Variants in WHRN observed in about 807,000 individuals in gnomAD.
WHRN encodes CASK-interacting protein CIP98.
Under a neutral mutation model 68.3 loss-of-function variants are expected in WHRN, and 41 were observed. The observed-to-expected ratio is 0.60, with a 90% CI of 0.47 to 0.78. The LOEUF (loss-of-function observed/expected upper bound fraction) is 0.78. Ranked by LOEUF, WHRN falls within the 30% of genes least tolerant of loss-of-function variation. The pLI is 0.00. For missense variants in WHRN, 1,243 were observed against 1,244.7 expected (o/e 1.00, Z 0.02); for synonymous variants, 560 against 561.3 (o/e 1.00, Z 0.03).
In WHRN at chr9:114,504,514, C is replaced by G; in HGVS notation, c.288G>C (p.Leu96=). 6 of 1,609,812 alleles carry G rather than the reference C, an allele frequency of 3.7e-6. No individual in the cohort carries two copies. Among genetic ancestry groups the G allele is most frequent in the Non-Finnish European group, 5.1e-6 (6 of 1,179,804 alleles). ...VKRRLLPMLR[L]VIPRSDQLLF... Reference sequence around the variant, plus strand: ...GCAGCTGGTCGGAGCGCGGGATGACCAGACGAAGCATGGGCAGCAGGCGCC... The same window carrying G: ...GCAGCTGGTCGGAGCGCGGGATGACGAGACGAAGCATGGGCAGCAGGCGCC... Residue 96 remains leucine, a synonymous_variant, in exon 1 of 12, where the codon CTG becomes CTC. Coordinates refer to ENST00000362057, the MANE Select transcript of WHRN (RefSeq NM_015404.4).
chr9:114,403,905 G>A lies in WHRN; in HGVS notation c.2409C>T (p.Ala803=), dbSNP rs1424148405. The change falls in exon 10 of 12, where the codon GCC becomes GCT. Residue 803 remains alanine, a synonymous_variant. Transcript: ENST00000362057. ...CCTCCTCCTGGCTCACCGGTTTGTT[G>A]GCCCCATCTGTGGGCCTCTCGTTCC... The part of the protein sequence containing the change: ...LPRNERPTDG[A]NKPPGLLEPT... The A allele has an allele frequency of 1.9e-6, 3 of 1,610,636 alleles. No individual in the cohort carries two copies. In the South Asian group the frequency reaches 3.3e-5, roughly 18 times the overall value.
intron 1 of WHRN, among the ~76,000 whole-genome samples, chr9:114,497,819 C>CAA (rs1448920731): frequency 6.6e-6 from 1 of 152,126 alleles, no homozygotes; most frequent in Non-Finnish European, 1.5e-5. Flanking sequence ...ACTCAAATAG[C>CAA]AGAGGGTTCC....
rs1842123637 is a variant in WHRN, at chr9:114,481,960, C to T, written c.619-3189G>A. 2.0e-5 allele frequency among the ~76,000 whole-genome samples: 3 copies of T among 151,972 alleles called. No individual in the cohort carries two copies. The South Asian group carries it at 6.2e-4, about 32-fold the overall frequency. On this transcript the variant is annotated intron_variant, in intron 1 of 11. Coordinates refer to ENST00000362057, the MANE Select transcript of WHRN (RefSeq NM_015404.4). The stretch of plus-strand genomic sequence containing the variant: ...CATTGCCTGGTACACAATAGGTTTT[C>T]ATGACACACGCCTGGTGAGAGACAA...
At chr9:114,483,406 C>A (rs908633018) in intron 1 of WHRN, among the ~76,000 whole-genome samples, 1 of 152,178 alleles carries the variant, frequency 6.6e-6, no homozygotes, top group Admixed American at 6.5e-5. Flanking sequence ...TTTCTACAAA[C>A]CATTGCTTGC....
At chr9:114,409,334 C>G (rs1835264241) in intron 7 of WHRN, among the ~76,000 whole-genome samples, 1 of 152,170 alleles carries the variant, frequency 6.6e-6, no homozygotes, top group Admixed American at 6.5e-5. Context: ...GAGAGAGCAT[C>G]CAATGGGCAA....
intron 3 of WHRN, among the ~76,000 whole-genome samples, chr9:114,460,395 G>A (rs4979402): frequency 0.75 from 113,436 of 152,208 alleles, 42,470 homozygotes; most frequent in East Asian, 0.97. Context: ...TGTATCTAAT[G>A]TGTTGAGTAC....
chr9:114,498,609 C>G (rs930113783), intron 1 of WHRN, among the ~76,000 whole-genome samples: 1 of 152,088 alleles, frequency 6.6e-6, no homozygotes, highest in East Asian at 1.9e-4. Context: ...GGTCTCAGAC[C>G]GCCCCCCAAC....
rs12685426 is a variant in WHRN at position 114,419,436 on chromosome 9, G to A, written c.1626+3878C>T. On this transcript the variant is annotated intron_variant, in intron 7 of 11. Coordinates refer to ENST00000362057, the MANE Select transcript of WHRN (RefSeq NM_015404.4). ...GATAGGGACTCAATGGTAACCGCAC[G>A]TGCGATCGCTGCCCTCAAGCAGTCA... Among the ~76,000 whole-genome samples the A allele has an allele frequency of 9.5e-4, 145 of 152,334 alleles. 1 individual carries two copies. The East Asian group carries it at 0.024, about 26-fold the overall frequency.
At chr9:114,412,252 G>A (rs938347846) in intron 7 of WHRN, among the ~76,000 whole-genome samples, 3 of 152,208 alleles carry the variant, frequency 2.0e-5, no homozygotes, top group African/African-American at 4.8e-5. Context: ...CTAAGAACCC[G>A]GGGGATGCAT....
In WHRN at chr9:114,423,503, C is replaced by T; in HGVS notation, c.1437G>A (p.Val479=). The change falls in exon 7 of 12, where the codon GTG becomes GTA. Residue 479 remains valine (V), a synonymous_variant. Coordinates refer to ENST00000362057, the MANE Select transcript of WHRN (RefSeq NM_015404.4). ...GGTCTTGCGGGGAAATGGTGCCTCT[C>T]ACCTCAGAGAGGAGTGAGAACTGGA... The part of the protein sequence containing the change: ...THAKFSLLSE[V]RGTISPQDLE... The T allele has an allele frequency of 6.2e-7, 1 of 1,611,738 alleles. No homozygotes were observed. The highest frequency in any genetic ancestry group is 8.5e-7 in the Non-Finnish European group (1 of 1,178,104).
At chr9:114,459,389 G>C (rs1360674655) in intron 3 of WHRN, among the ~76,000 whole-genome samples, 1 of 152,170 alleles carries the variant, frequency 6.6e-6, no homozygotes, top group Non-Finnish European at 1.5e-5. Flanking sequence ...GCTTGAACCT[G>C]GGGGTGGAGA....
rs571239125 is a variant in WHRN at position 114,479,327 on chromosome 9, G to A, written c.619-556C>T. On this transcript the variant is annotated intron_variant, in intron 1 of 11. Coordinates refer to ENST00000362057, the MANE Select transcript of WHRN (RefSeq NM_015404.4). ...ACACCTTTGTCACCATTTGATGCTG[G>A]AGGAATTAGTGTGTTCTGTGGAACT... 2.6e-5 allele frequency among the ~76,000 whole-genome samples: 4 copies of A among 152,302 alleles called. No individual in the cohort carries two copies. The East Asian group carries it at 7.7e-4, about 29-fold the overall frequency.
chr9:114,403,049 C>T, intron 11 of WHRN, 113 bp from the exon 12 acceptor site: 2 of 1,519,506 alleles, frequency 1.3e-6, no homozygotes, highest in Non-Finnish European at 1.8e-6. Context: ...ATCTGAGTGT[C>T]CACTTCTCGG....
chr9:114,460,511 T>C (rs956723979), intron 3 of WHRN, among the ~76,000 whole-genome samples: 2 of 152,230 alleles, frequency 1.3e-5, no homozygotes, highest in Non-Finnish European at 1.5e-5. Flanking sequence ...AAAGGAGGTT[T>C]TGTGGTCCAT....
chr9:114,445,597 A>T (rs1369598253), intron 3 of WHRN, among the ~76,000 whole-genome samples: 1 of 152,204 alleles, frequency 6.6e-6, no homozygotes, highest in African/African-American at 2.4e-5. Context: ...ACAGGCCACC[A>T]TCATCTCTCC....
intron 1 of WHRN, among the ~76,000 whole-genome samples, chr9:114,493,969 T>C (rs965169670): frequency 1.3e-5 from 2 of 152,242 alleles, no homozygotes; most frequent in Non-Finnish European, 2.9e-5. Flanking sequence ...CCGAGAGCCC[T>C]GGCAATGAGC....
intron 1 of WHRN, among the ~76,000 whole-genome samples, chr9:114,488,692 C>T (rs964738846): frequency 6.6e-6 from 1 of 152,170 alleles, no homozygotes; most frequent in African/African-American, 2.4e-5. Context: ...TGAGGGAGGA[C>T]AGAAATTGGT....
intron 1 of WHRN, among the ~76,000 whole-genome samples, chr9:114,483,489 C>T (rs1000587706): frequency 1.3e-5 from 2 of 152,206 alleles, no homozygotes; most frequent in Non-Finnish European, 2.9e-5. Flanking sequence ...TCCCCTGTAG[C>T]CACCCTGCCA....
At chr9:114,489,129 A>G (rs547029163) in intron 1 of WHRN, among the ~76,000 whole-genome samples, 4 of 152,246 alleles carry the variant, frequency 2.6e-5, no homozygotes, top group African/African-American at 9.6e-5. Flanking sequence ...ATCTCAACAT[A>G]CTTACTTATG....
Sources: allele counts gnomAD v4.1 joint callset (sites outside exome capture counted in the v4.1 genomes callset), GRCh38; gene constraint gnomAD v4.1.1; transcripts MANE v1.5; gene names NCBI Gene and HGNC (gene_info 2026-07-23, HGNC 2026-07-21).